Variants in KIAA1549L observed in about 807,000 individuals in gnomAD.
KIAA1549L encodes KIAA1549 like.
In KIAA1549L, 88 loss-of-function variants were observed where a neutral mutation model predicts 160.7. The observed-to-expected ratio is 0.55, with a 90% CI of 0.46 to 0.65. The LOEUF is 0.65. Ranked by LOEUF, KIAA1549L falls within the 30% of genes least tolerant of loss-of-function variation. The pLI, the probability that KIAA1549L is intolerant of heterozygous loss-of-function variation, is 0.00. For missense variants in KIAA1549L, 2,258 were observed against 2,437.5 expected (o/e 0.93, Z 1.55); for synonymous variants, 950 against 976.7 (o/e 0.97, Z 0.51).
intron 1 of KIAA1549L, among the ~76,000 whole-genome samples, chr11:33,531,462 G>C (rs957836966): frequency 2.6e-5 from 4 of 152,014 alleles, no homozygotes; most frequent in African/African-American, 9.7e-5. Context: ...CGAGGAATGA[G>C]ACTCTGTCTC....
chr11:33,561,554 C>A, intron 7 of KIAA1549L, 122 bp from the exon 8 acceptor site: 1 of 763,996 alleles, frequency 1.3e-6, no homozygotes, highest in Non-Finnish European at 2.2e-6. Context: ...ACCACTTGAG[C>A]CCAGGAGTTC....
chr11:33,397,636 T>TGGGAGGCGGAGGTTGCG (rs1850406173), intron 1 of KIAA1549L, among the ~76,000 whole-genome samples: 1 of 151,272 alleles, frequency 6.6e-6, no homozygotes, highest in African/African-American at 2.4e-5. Flanking sequence ...CTCTTGAACT[T>TGGGAGGCGGAGGTTGCG]GGGAGGCGGA....
intron 1 of KIAA1549L, among the ~76,000 whole-genome samples, chr11:33,435,796 A>ATATATGTGTGTGTGTGTGTGTGTGTG (rs1851352809): frequency 2.9e-5 from 1 of 34,670 alleles, no homozygotes; most frequent in African/African-American, 1.8e-4. Context: ...ATATATATAT[A>ATATATGTGTGTGTGTGTGTGTGTGTG]TATATATATA....
chr11:33,406,422 G>T lies in KIAA1549L; in HGVS notation c.238+29533G>T, dbSNP rs188914792. 5.2e-3 allele frequency among the ~76,000 whole-genome samples: 793 copies of T among 152,340 alleles called. 8 individuals are homozygous for T. Among genetic ancestry groups the T allele is most frequent in the African/African-American group, 0.018 (730 of 41,576 alleles). ...ACCAGTGTGCATGTGCAGGGGAGGG[G>T]CCGCTGCCTTGACCCCGGGCTTTCC... On this transcript the variant is annotated intron_variant, in intron 1 of 20. Coordinates refer to ENST00000658780, the MANE Select transcript of KIAA1549L (RefSeq NM_012194.3).
intron 15 of KIAA1549L, among the ~76,000 whole-genome samples, chr11:33,611,068 A>G (rs1850636174): frequency 6.6e-6 from 1 of 152,246 alleles, no homozygotes; most frequent in South Asian, 2.1e-4. Flanking sequence ...CCATGGCTGC[A>G]GCCTTCCAAG....
chr11:33,541,415 T>C (rs780910497), intron 1 of KIAA1549L, among the ~76,000 whole-genome samples: 3 of 152,214 alleles, frequency 2.0e-5, no homozygotes, highest in Non-Finnish European at 4.4e-5. Context: ...TACACAGTTC[T>C]TCTTTAGTTT....
rs191118562 is a variant in KIAA1549L at position 33,535,217 on chromosome 11, T to G, written c.239-6585T>G. 1.3e-4 allele frequency among the ~76,000 whole-genome samples: 20 copies of G among 152,334 alleles called. 1 individual carries two copies. In the East Asian group the frequency reaches 3.9e-3, roughly 29 times the overall value. On this transcript the variant is annotated intron_variant, in intron 1 of 20. Transcript: ENST00000658780. ...TGTTCATGGTTCCTAGAGACACCAG[T>G]AGTTCCTAGAGGCCACCCACAGTTC...
At chr11:33,646,114 G>C in intron 17 of KIAA1549L, 78 bp downstream of exon 17, 1 of 1,096,832 alleles carries the variant, frequency 9.1e-7, no homozygotes, top group African/African-American at 1.6e-5. Flanking sequence ...TCAGAGCAGG[G>C]GCTTCTACAG....
At chr11:33,529,349 T>A (rs987699545) in intron 1 of KIAA1549L, among the ~76,000 whole-genome samples, 3 of 151,482 alleles carry the variant, frequency 2.0e-5, no homozygotes, top group African/African-American at 7.3e-5. Context: ...AAAAAAAAAA[T>A]TATTATCACA....
At chr11:33,586,308 TGTGGCTTTCCCG>T (rs1401255730) in intron 11 of KIAA1549L, among the ~76,000 whole-genome samples, 5 of 152,172 alleles carry the variant, frequency 3.3e-5, no homozygotes, top group Middle Eastern at 3.4e-3. Flanking sequence ...AGGAGGTGAG[TGTGGCTTTCCCG>T]GGAGCCGAGA....
intron 1 of KIAA1549L, among the ~76,000 whole-genome samples, chr11:33,392,930 G>C (rs1462723860): frequency 6.6e-6 from 1 of 152,084 alleles, no homozygotes; most frequent in Non-Finnish European, 1.5e-5. Flanking sequence ...CCTTATTTCA[G>C]ACCCTCCCTC....
At chr11:33,555,630 T>G (rs1854621346) in intron 6 of KIAA1549L, among the ~76,000 whole-genome samples, 2 of 152,200 alleles carry the variant, frequency 1.3e-5, no homozygotes, top group Non-Finnish European at 2.9e-5. Context: ...TGAAGTTGGA[T>G]CCTTACTTAA....
chr11:33,421,044 T>C (rs1851000541), intron 1 of KIAA1549L, among the ~76,000 whole-genome samples: 1 of 152,200 alleles, frequency 6.6e-6, no homozygotes, highest in Admixed American at 6.5e-5. Flanking sequence ...TAGTTAGCTC[T>C]GCAAACAAAT....
chr11:33,540,344 A>G (rs1313072382), intron 1 of KIAA1549L, among the ~76,000 whole-genome samples: 2 of 152,220 alleles, frequency 1.3e-5, no homozygotes, highest in African/African-American at 4.8e-5. Flanking sequence ...GAAATCCTAC[A>G]CAGATTTCAC....
intron 1 of KIAA1549L, among the ~76,000 whole-genome samples, chr11:33,397,437 G>A (rs993959499): frequency 2.6e-5 from 4 of 151,214 alleles, no homozygotes; most frequent in Admixed American, 6.6e-5. Context: ...TAGGCTGGGC[G>A]CGGTGGCTCA....
chr11:33,543,797 A>G lies in KIAA1549L; in HGVS notation c.2234A>G (p.Asn745Ser), dbSNP rs374318829. The G allele has an allele frequency of 2.7e-5, 44 of 1,614,026 alleles. No individual in the cohort carries two copies. Among genetic ancestry groups the G allele is most frequent in the Non-Finnish European group, 3.4e-5 (40 of 1,179,892 alleles). ...ETHLAPTAPP[N>S]GLTSAADAIK... ...CATTTAGCTCCAACAGCTCCTCCCA[A>G]TGGTTTAACTTCAGCTGCCGATGCC... The change falls in exon 2 of 21, where the codon AAT becomes AGT. Residue 745 changes from asparagine to serine, a missense_variant. Coordinates refer to ENST00000658780, the MANE Select transcript of KIAA1549L (RefSeq NM_012194.3).
At chr11:33,623,608 G>A (rs1210186161) in intron 16 of KIAA1549L, among the ~76,000 whole-genome samples, 1 of 152,190 alleles carries the variant, frequency 6.6e-6, no homozygotes, top group East Asian at 1.9e-4. Context: ...GGTGAAGGAG[G>A]TCTTTAGGTA....
At chr11:33,551,347 A>G in intron 5 of KIAA1549L, 88 bp downstream of exon 5, 2 of 1,111,592 alleles carry the variant, frequency 1.8e-6, no homozygotes, top group Non-Finnish European at 2.7e-6. Context: ...CTCCATTGCT[A>G]GCTGCTGTGT....
At chr11:33,645,182 G>A (rs1272628846) in intron 16 of KIAA1549L, among the ~76,000 whole-genome samples, 1 of 152,186 alleles carries the variant, frequency 6.6e-6, no homozygotes, top group East Asian at 1.9e-4. Context: ...TTTAAGAGCT[G>A]TGATCTAGAA....
Sources: allele counts gnomAD v4.1 joint callset (sites outside exome capture counted in the v4.1 genomes callset), GRCh38; gene constraint gnomAD v4.1.1; transcripts MANE v1.5; gene names NCBI Gene and HGNC (gene_info 2026-07-23, HGNC 2026-07-21).